Variants in HFM1 observed in about 807,000 individuals in gnomAD.
HFM1 encodes probable ATP-dependent DNA helicase HFM1.
Under a neutral mutation model 192.1 loss-of-function variants are expected in HFM1, and 169 were observed. The observed-to-expected ratio is 0.88, with a 90% CI of 0.78 to 1.00. The LOEUF is 1.00. Among genes scored for constraint, HFM1 ranks in the 50% least tolerant of loss-of-function variants. The probability of loss-of-function intolerance (pLI) is 0.00; values close to 1 mark genes in which losing one functional copy is unlikely to be tolerated. For missense variants in HFM1, 1,661 were observed against 1,668.0 expected, an observed-to-expected ratio of 1.00 and a Z score of 0.07; for synonymous variants, 525 against 537.8, an observed-to-expected ratio of 0.98 and a Z score of 0.33.
In HFM1 at chr1:91,324,353, C is replaced by G. The variant is rs1243966399; in HGVS notation, c.2427+322G>C. On this transcript the variant is annotated intron_variant, in intron 21 of 38. Transcript: ENST00000370425. The stretch of plus-strand genomic sequence containing the variant: ...CACACCACATCATCTTGGAATCTTT[C>G]TTACATATTATTACATTGTGTAGCC... 3.3e-5 allele frequency among the ~76,000 whole-genome samples: 5 copies of G among 152,204 alleles called. No individual in the cohort carries two copies. In the South Asian group the frequency reaches 8.3e-4, roughly 25 times the overall value.
intron 30 of HFM1, among the ~76,000 whole-genome samples, chr1:91,278,541 T>C (rs1028356485): frequency 2.0e-5 from 3 of 152,144 alleles, no homozygotes; most frequent in African/African-American, 7.2e-5. Context: ...GAACCAGAAA[T>C]GTTGGAGATA....
chr1:91,263,022 A>G (rs1665310299), intron 36 of HFM1, among the ~76,000 whole-genome samples: 1 of 152,186 alleles, frequency 6.6e-6, no homozygotes, highest in Non-Finnish European at 1.5e-5. Context: ...AACCTTCTGT[A>G]TTAACTCATT....
chr1:91,318,962 C>A, intron 25 of HFM1, 116 bp downstream of exon 25: 1 of 1,028,706 alleles, frequency 9.7e-7, no homozygotes, highest in South Asian at 1.8e-5. Context: ...TTATTTAAGC[C>A]TACAAACACA....
chr1:91,338,691 T>C (rs1232567971), intron 20 of HFM1, among the ~76,000 whole-genome samples: 3 of 152,130 alleles, frequency 2.0e-5, no homozygotes, highest in Non-Finnish European at 4.4e-5. Context: ...GCACGGACCT[T>C]GTCACCACGG....
chr1:91,335,869 C>A (rs939153326), intron 20 of HFM1, among the ~76,000 whole-genome samples: 22 of 152,018 alleles, frequency 1.4e-4, no homozygotes, highest in Non-Finnish European at 2.4e-4. Flanking sequence ...AATGACTGAG[C>A]ATGGCAGGGA....
At chr1:91,390,752 C>T (rs576960695) in intron 4 of HFM1, among the ~76,000 whole-genome samples, 47 of 152,148 alleles carry the variant, frequency 3.1e-4, no homozygotes, top group African/African-American at 1.0e-3. Flanking sequence ...AAGTTCTGGC[C>T]AGGGCAATCA....
intron 4 of HFM1, among the ~76,000 whole-genome samples, chr1:91,390,729 A>C (rs1233778868): frequency 6.6e-6 from 1 of 152,186 alleles, no homozygotes; most frequent in Non-Finnish European, 1.5e-5. Context: ...ACTCCTATTC[A>C]ACATAGTGTT....
At chr1:91,326,463 A>G (rs1201945150) in intron 20 of HFM1, among the ~76,000 whole-genome samples, 2 of 152,150 alleles carry the variant, frequency 1.3e-5, no homozygotes, top group Non-Finnish European at 2.9e-5. Flanking sequence ...GGACATATTT[A>G]AAGTGCTAAA....
chr1:91,276,684 A>G lies in HFM1; in HGVS notation c.3532T>C (p.Ser1178Pro). The G allele has an allele frequency of 1.9e-6, 3 of 1,569,844 alleles. No homozygotes were observed. The highest frequency in any genetic ancestry group is 1.7e-6 in the Non-Finnish European group (2 of 1,164,360). ...IKESTISSYLSDLRNRNAVSS... is the reference protein window; with the variant it reads ...IKESTISSYLPDLRNRNAVSS... Reference sequence around the variant, plus strand: ...ACAGCATTCCTGTTTCTTAAATCAGATAAATATGAAGAAATTGTTGACTCT... The same window carrying G: ...ACAGCATTCCTGTTTCTTAAATCAGGTAAATATGAAGAAATTGTTGACTCT... Residue 1178 changes from serine to proline, a missense_variant, in exon 32 of 39, where the codon TCT becomes CCT. Ser to Pro is a moderately conservative substitution (Grantham distance 74, BLOSUM62 -1). Coordinates refer to ENST00000370425, the MANE Select transcript of HFM1 (RefSeq NM_001017975.6).
At chr1:91,386,907 C>G (rs911469501) in intron 4 of HFM1, among the ~76,000 whole-genome samples, 2 of 152,146 alleles carry the variant, frequency 1.3e-5, no homozygotes, top group Non-Finnish European at 2.9e-5. Context: ...AAGATATAAA[C>G]TAAGTATATT....
At chr1:91,289,044 G>A (rs1483681318) in intron 30 of HFM1, among the ~76,000 whole-genome samples, 1 of 151,030 alleles carries the variant, frequency 6.6e-6, no homozygotes, top group Non-Finnish European at 1.5e-5. Context: ...GCCGGGCGGG[G>A]GCTGCCCCCC....
intron 13 of HFM1, among the ~76,000 whole-genome samples, chr1:91,364,632 A>ATATATATATATT (rs753472335): frequency 3.0e-5 from 2 of 66,784 alleles, no homozygotes; most frequent in East Asian, 5.0e-4. Context: ...ATATATATAT[A>ATATATATATATT]TTTTTTTTTT....
chr1:91,280,417 T>C (rs1347073089), intron 30 of HFM1, among the ~76,000 whole-genome samples: 1 of 152,226 alleles, frequency 6.6e-6, no homozygotes, highest in Non-Finnish European at 1.5e-5. Context: ...CCTATGTTTG[T>C]AGGGGAACAG....
rs1190611167 is a variant in HFM1 at position 91,369,781 on chromosome 1, C to A, written c.1685+5577G>T. Among the ~76,000 whole-genome samples the A allele has an allele frequency of 1.2e-4, 18 of 151,856 alleles. 1 individual carries two copies. In the Middle Eastern group the frequency reaches 0.01, roughly 86 times the overall value. On this transcript the variant is annotated intron_variant, in intron 13 of 38. Transcript: ENST00000370425. ...GAAATAGAGACACAAAAAACCCTTC[C>A]AAAAATCAATGAATCCAGGAACTGG...
intron 21 of HFM1, among the ~76,000 whole-genome samples, chr1:91,323,940 C>G (rs1352749058): frequency 6.6e-6 from 1 of 152,048 alleles, no homozygotes; most frequent in Non-Finnish European, 1.5e-5. Context: ...AATAATCTTA[C>G]CACAGTAATC....
chr1:91,398,982 C>A (rs186592600), intron 2 of HFM1, among the ~76,000 whole-genome samples: 1 of 152,090 alleles, frequency 6.6e-6, no homozygotes, highest in African/African-American at 2.4e-5. Flanking sequence ...TGTGAGCCAC[C>A]GTGCCTCGTC....
chr1:91,267,826 T>G lies in HFM1; in HGVS notation c.3802A>C (p.Asn1268His). 4 of 1,581,784 alleles carry G rather than the reference T, an allele frequency of 2.5e-6. No individual in the cohort carries two copies. The highest frequency in any genetic ancestry group is 3.4e-6 in the Non-Finnish European group (4 of 1,167,798). The change falls in exon 35 of 39, where the codon AAT becomes CAT. Residue 1268 changes from asparagine (N) to histidine (H), a missense_variant. Physicochemically the swap from Asn to His is moderately conservative, Grantham distance 68. Transcript: ENST00000370425. Reference protein sequence around the residue: ...EVLNVNFELGNEVWDDFDDEN... With the variant: ...EVLNVNFELGHEVWDDFDDEN... ...TCATCAAAATCATCCCAAACTTCATTTCCCAATTCAAAGTTCACATTCAAA... is the reference window on the plus strand; with the variant it reads ...TCATCAAAATCATCCCAAACTTCATGTCCCAATTCAAAGTTCACATTCAAA...
At chr1:91,284,570 A>C (rs1331165784) in intron 30 of HFM1, among the ~76,000 whole-genome samples, 1 of 152,172 alleles carries the variant, frequency 6.6e-6, no homozygotes, top group Non-Finnish European at 1.5e-5. Flanking sequence ...ATTCATATTC[A>C]GAATAATACT....
chr1:91,275,137 CCAT>C (rs1666691886), intron 32 of HFM1, among the ~76,000 whole-genome samples: 2 of 152,194 alleles, frequency 1.3e-5, no homozygotes. Context: ...GTGCCCACCA[CCAT>C]GCCTGGCTAA....
Sources: allele counts gnomAD v4.1 joint callset (sites outside exome capture counted in the v4.1 genomes callset), GRCh38; gene constraint gnomAD v4.1.1; transcripts MANE v1.5; gene names NCBI Gene and HGNC (gene_info 2026-07-23, HGNC 2026-07-21).